STIMATE: variants seen among roughly 807,000 people sequenced by gnomAD.
The protein encoded by STIMATE is store-operated calcium entry regulator STIMATE.
A neutral mutation model predicts 36.7 loss-of-function variants in STIMATE; 15 were observed. That is an observed-to-expected ratio of 0.41 (90% CI 0.27 to 0.63). The LOEUF (loss-of-function observed/expected upper bound fraction) is 0.63, where lower values mean the gene tolerates loss of function less well. Among genes scored for constraint, STIMATE ranks in the 20% least tolerant of loss-of-function variants. The probability of loss-of-function intolerance (pLI) is 0.32; values close to 1 mark genes in which losing one functional copy is unlikely to be tolerated. For synonymous variants in STIMATE, 163 were observed against 162.3 expected, an observed-to-expected ratio of 1.00 and a Z score of -0.03; for missense variants, 305 against 397.3, an observed-to-expected ratio of 0.77 and a Z score of 1.98.
At chr3:52,858,498 G>A (rs986419232) in intron 1 of STIMATE, among the ~76,000 whole-genome samples, 3 of 152,074 alleles carry the variant, frequency 2.0e-5, no homozygotes, top group Non-Finnish European at 4.4e-5. Flanking sequence ...TTGACGCATG[G>A]CTGTGGTCCT....
chr3:52,843,238 C>A, intron 6 of STIMATE: 1 of 510,618 alleles, frequency 2.0e-6, no homozygotes, highest in Non-Finnish European at 3.3e-6. Flanking sequence ...GGCCTGGAAG[C>A]AAGGTCTCTG....
Position 52,873,468 on chromosome 3 carries a change from A to G in STIMATE, c.161-18024T>C, listed in dbSNP as rs931721354. Among the ~76,000 whole-genome samples the G allele has an allele frequency of 3.3e-5, 5 of 152,216 alleles. No homozygotes were observed. In the East Asian group the frequency reaches 9.6e-4, roughly 29 times the overall value. ...TGGTAGAAAAGCGAGTTGTACAACC[A>G]CTTGGTAAGTGTGGGGAAGTGGATT... On this transcript the variant is annotated intron_variant, in intron 1 of 7. Transcript: ENST00000355083.
chr3:52,841,451 G>A (rs1264149361), intron 7 of STIMATE, among the ~76,000 whole-genome samples: 1 of 152,178 alleles, frequency 6.6e-6, no homozygotes, highest in Non-Finnish European at 1.5e-5. Flanking sequence ...CATGCAGCTG[G>A]GGCAAACACA....
At chr3:52,891,948 TACC>T (rs1311558890) in intron 1 of STIMATE, among the ~76,000 whole-genome samples, 4 of 152,178 alleles carry the variant, frequency 2.6e-5, no homozygotes, top group African/African-American at 9.7e-5. Context: ...GACAGATTAT[TACC>T]ACATGTTACT....
chr3:52,865,837 A>T (rs942192141), intron 1 of STIMATE, among the ~76,000 whole-genome samples: 1 of 152,250 alleles, frequency 6.6e-6, no homozygotes, highest in Admixed American at 6.5e-5. Flanking sequence ...AAGACCTTAC[A>T]TATCCTTTCA....
rs1188123974 is a variant in STIMATE, at chr3:52,848,731, C to T, written c.427+1061G>A. ...TAAATGACGATGATGCTGTGCTGGTCCCCCGACTGTGGTCCATTTCTGTTC... is the reference window on the plus strand; with the variant it reads ...TAAATGACGATGATGCTGTGCTGGTTCCCCGACTGTGGTCCATTTCTGTTC... On this transcript the variant is annotated intron_variant, in intron 4 of 7. Coordinates refer to ENST00000355083, the MANE Select transcript of STIMATE (RefSeq NM_198563.5). Among the ~76,000 whole-genome samples the T allele has an allele frequency of 2.0e-5, 3 of 152,126 alleles. No homozygotes were observed. In the East Asian group the frequency reaches 5.8e-4, roughly 29 times the overall value.
chr3:52,879,762 C>A (rs188220312), intron 1 of STIMATE, among the ~76,000 whole-genome samples: 1 of 152,332 alleles, frequency 6.6e-6, no homozygotes, highest in East Asian at 1.9e-4. Flanking sequence ...TTAAGTTTTT[C>A]TGCCCCTCTT....
At chr3:52,841,053 T>C (rs1359728900) in intron 7 of STIMATE, among the ~76,000 whole-genome samples, 3 of 152,164 alleles carry the variant, frequency 2.0e-5, no homozygotes, top group African/African-American at 7.2e-5. Flanking sequence ...CTCCCTGTAC[T>C]CAATGAGACG....
intron 1 of STIMATE, among the ~76,000 whole-genome samples, chr3:52,892,767 C>CG (rs1559500810): frequency 6.6e-6 from 1 of 152,190 alleles, no homozygotes; most frequent in Admixed American, 6.5e-5. Flanking sequence ...GGTCTTCCAT[C>CG]CACCATCACC....
intron 2 of STIMATE, among the ~76,000 whole-genome samples, 160 bp downstream of exon 2, chr3:52,855,236 T>C (rs1247154233): frequency 6.6e-6 from 1 of 152,104 alleles, no homozygotes; most frequent in Non-Finnish European, 1.5e-5. Context: ...ATATACACAG[T>C]TCCTAATGAA....
chr3:52,847,413 G>T, intron 4 of STIMATE: 9 of 1,281,736 alleles, frequency 7.0e-6, no homozygotes, highest in South Asian at 1.2e-5. Flanking sequence ...AGATGTCAGG[G>T]CTTCCACATG....
intron 1 of STIMATE, among the ~76,000 whole-genome samples, chr3:52,895,114 T>C (rs1354570462): frequency 6.6e-6 from 1 of 152,200 alleles, no homozygotes; most frequent in Non-Finnish European, 1.5e-5. Flanking sequence ...GGCTCGCAGA[T>C]GTACTTCCTT....
intron 1 of STIMATE, among the ~76,000 whole-genome samples, chr3:52,860,666 C>G (rs565977001): frequency 6.6e-6 from 1 of 152,208 alleles, no homozygotes; most frequent in Non-Finnish European, 1.5e-5. Context: ...ATTCACCCCC[C>G]GCAGTAACTA....
intron 6 of STIMATE, among the ~76,000 whole-genome samples, chr3:52,843,376 T>A (rs1386125674): frequency 6.6e-6 from 1 of 152,122 alleles, no homozygotes; most frequent in African/African-American, 2.4e-5. Context: ...CTCGGGAGTT[T>A]CTCAAGATCC....
intron 1 of STIMATE, among the ~76,000 whole-genome samples, chr3:52,888,498 G>C (rs1010928809): frequency 6.6e-6 from 1 of 152,200 alleles, no homozygotes; most frequent in Non-Finnish European, 1.5e-5. Flanking sequence ...CAGGGCTCTG[G>C]GTAAAAGGAT....
chr3:52,896,597 G>A (rs1271372646), intron 1 of STIMATE, among the ~76,000 whole-genome samples: 2 of 152,174 alleles, frequency 1.3e-5, no homozygotes, highest in Non-Finnish European at 2.9e-5. Context: ...GAACAGCCAG[G>A]GGAAGCTATA....
Position 52,860,667 on chromosome 3 carries a change from G to A in STIMATE, c.161-5223C>T, listed in dbSNP as rs534995727. ...AACCACCCACTCCCATTCACCCCCC[G>A]CAGTAACTAGGACCACATGCTGGCA... On this transcript the variant is annotated intron_variant, in intron 1 of 7. Coordinates refer to ENST00000355083, the MANE Select transcript of STIMATE (RefSeq NM_198563.5). Among the ~76,000 whole-genome samples the A allele has an allele frequency of 9.8e-5, 15 of 152,290 alleles. No individual in the cohort carries two copies. In the South Asian group the frequency reaches 1.0e-3, roughly 11 times the overall value.
At chr3:52,862,359 T>C (rs1027804946) in intron 1 of STIMATE, among the ~76,000 whole-genome samples, 2 of 152,224 alleles carry the variant, frequency 1.3e-5, no homozygotes, top group Non-Finnish European at 2.9e-5. Context: ...CTGCCTTTCC[T>C]ATCCACCCAC....
At chr3:52,843,942 A>AG in intron 5 of STIMATE, 144 bp from the exon 6 acceptor site, 1 of 1,069,032 alleles carries the variant, frequency 9.4e-7, no homozygotes, top group South Asian at 1.5e-5. Context: ...CCTCATGCCT[A>AG]GGGTTCCCAG....
Sources: gnomAD v4.1 joint callset for allele counts (sites outside exome capture counted in the v4.1 genomes callset) on GRCh38, gnomAD v4.1.1 for gene constraint, MANE v1.5 for transcripts, NCBI Gene and HGNC (gene_info 2026-07-23, HGNC 2026-07-21) for gene names.